The following MRO variants were observed in gnomAD, a reference collection of about 807,000 sequenced individuals.
MRO encodes the protein protein maestro.
Under a neutral mutation model 31.0 loss-of-function variants are expected in MRO, and 28 were observed. The ratio of observed to expected loss-of-function variants is 0.90; its 90% CI spans 0.67 to 1.24. The LOEUF is 1.24. MRO is among the 50% of genes most tolerant of loss of function. The pLI, the probability that MRO is intolerant of heterozygous loss-of-function variation, is 0.00. For synonymous variants in MRO, 108 were observed against 108.4 expected (o/e 1.00, Z 0.02); for missense variants, 332 against 289.2 (o/e 1.15, Z -1.07).
In MRO at chr18:50,816,584, C is replaced by G. The variant is rs145828133; in HGVS notation, c.-5+2997G>C. ...GCTAACGTTAGCTGTAAAGAAACACCAGCTGACTTGCAGTTTAAGGGAATT... is the reference window on the plus strand; with the variant it reads ...GCTAACGTTAGCTGTAAAGAAACACGAGCTGACTTGCAGTTTAAGGGAATT... On this transcript the variant is annotated intron_variant, in intron 2 of 7. Coordinates refer to ENST00000398439, the MANE Select transcript of MRO (RefSeq NM_031939.6). Among the ~76,000 whole-genome samples the G allele has an allele frequency of 6.6e-5, 10 of 152,194 alleles. No homozygotes were observed. The East Asian group carries it at 1.9e-3, about 29-fold the overall frequency.
chr18:50,800,899 G>A (rs1471494069), intron 6 of MRO, among the ~76,000 whole-genome samples: 4 of 140,176 alleles, frequency 2.9e-5, no homozygotes, highest in Admixed American at 7.2e-5. Context: ...AAAAAAAAAA[G>A]AAAGAAAGAA....
upstream of MRO, among the ~76,000 whole-genome samples, chr18:50,820,402 C>T (rs1253541975): frequency 6.6e-6 from 1 of 152,208 alleles, no homozygotes; most frequent in East Asian, 1.9e-4. Flanking sequence ...GCCTCTCTCT[C>T]TCATCAGCCC....
chr18:50,816,842 G>A (rs1599041115), intron 2 of MRO, among the ~76,000 whole-genome samples: 1 of 152,104 alleles, frequency 6.6e-6, no homozygotes, highest in East Asian at 1.9e-4. Context: ...GGAGGGTGTG[G>A]GCCTCATTAT....
At chr18:50,820,931 A>C (rs1915279466), upstream of MRO, among the ~76,000 whole-genome samples, 1 of 152,234 alleles carries the variant, frequency 6.6e-6, no homozygotes, top group Non-Finnish European at 1.5e-5. Flanking sequence ...GAAAATAAGA[A>C]GAATGAGGCT....
upstream of MRO, among the ~76,000 whole-genome samples, chr18:50,824,460 T>TTTC (rs1491286632): frequency 6.0e-5 from 8 of 132,932 alleles, no homozygotes; most frequent in South Asian, 2.5e-4. Context: ...TTTTTCTTTC[T>TTTC]TTTTTTTTTT....
At chr18:50,815,513 G>A in intron 2 of MRO, 1 of 307,658 alleles carries the variant, frequency 3.3e-6, no homozygotes. Context: ...TGGAAACCAA[G>A]GTAGTGGATA....
chr18:50,799,491 C>G, intron 7 of MRO, 101 bp from the exon 8 acceptor site: 2 of 992,890 alleles, frequency 2.0e-6, no homozygotes, highest in Non-Finnish European at 3.2e-6. Context: ...TGTGGATAAG[C>G]AGGAGAGGTG....
At chr18:50,810,929 G>C (rs1914422984) in intron 2 of MRO, among the ~76,000 whole-genome samples, 1 of 152,136 alleles carries the variant, frequency 6.6e-6, no homozygotes, top group African/African-American at 2.4e-5. Context: ...ACATGTGAGG[G>C]GCATAAAGTT....
At chr18:50,819,460 C>G (rs1024240329) in intron 2 of MRO, 121 bp downstream of exon 2, 15 of 1,457,696 alleles carry the variant, frequency 1.0e-5, no homozygotes, top group Non-Finnish European at 1.4e-5. Context: ...AATCCTACCC[C>G]CTAGAGGTCG....
intron 6 of MRO, among the ~76,000 whole-genome samples, chr18:50,801,132 G>A (rs947551396): frequency 5.3e-5 from 8 of 152,168 alleles, no homozygotes; most frequent in African/African-American, 1.9e-4. Flanking sequence ...ATTGACAGGT[G>A]CTGGGCTTGG....
chr18:50,812,805 G>T (rs1408978159), intron 2 of MRO, among the ~76,000 whole-genome samples: 5 of 152,036 alleles, frequency 3.3e-5, no homozygotes, highest in Non-Finnish European at 5.9e-5. Context: ...CTTAACCCTG[G>T]CTACATTAGG....
At chr18:50,821,592 C>A (rs1346533360), upstream of MRO, among the ~76,000 whole-genome samples, 6 of 152,194 alleles carry the variant, frequency 3.9e-5, no homozygotes, top group Non-Finnish European at 5.9e-5. Flanking sequence ...AGATTCTCTG[C>A]AAAATCTCCT....
intron 5 of MRO, among the ~76,000 whole-genome samples, chr18:50,803,264 C>T (rs1913576396): frequency 1.3e-5 from 2 of 152,134 alleles, no homozygotes; most frequent in South Asian, 4.1e-4. Context: ...AATCCCAGCC[C>T]TTTGGGAGGC....
At chr18:50,806,450 A>G (rs535749166) in intron 4 of MRO, among the ~76,000 whole-genome samples, 4 of 152,360 alleles carry the variant, frequency 2.6e-5, no homozygotes, top group Non-Finnish European at 5.9e-5. Flanking sequence ...GAAGGAATGC[A>G]GTCTGGCAGA....
Position 50,820,004 on chromosome 18 carries a change from A to G in MRO, c.-234T>C. ...TCGACACTTTCTGCAGAAATTCTGC[A>G]GATGGCAATTCTGGGGACCTTTCCT... On this transcript the variant is annotated 5_prime_UTR_variant, in exon 1 of 8. Transcript: ENST00000398439. 6.6e-7 allele frequency: 1 copy of G among 1,525,124 alleles called. No homozygotes were observed. The highest frequency in any genetic ancestry group is 8.9e-7 in the Non-Finnish European group (1 of 1,123,684). 94.5% of individuals were successfully genotyped at this position (1,525,124 alleles called of 1,614,324 possible).
intron 4 of MRO, 137 bp from the exon 5 acceptor site, chr18:50,805,473 C>G (rs1913834183): frequency 1.5e-6 from 1 of 669,140 alleles, no homozygotes; most frequent in African/African-American, 1.8e-5. Flanking sequence ...CTGCACAACT[C>G]TCATTAAAAT....
At chr18:50,819,056 A>T (rs1915159020) in intron 2 of MRO, among the ~76,000 whole-genome samples, 1 of 151,364 alleles carries the variant, frequency 6.6e-6, no homozygotes, top group South Asian at 2.1e-4. Flanking sequence ...CTGTCTCAAA[A>T]AAATGAAAAA....
upstream of MRO, among the ~76,000 whole-genome samples, chr18:50,823,417 C>T (rs559452399): frequency 6.6e-6 from 1 of 152,342 alleles, no homozygotes; most frequent in Non-Finnish European, 1.5e-5. Flanking sequence ...TGCAGTTCTC[C>T]AAACTCTATA....
intron 5 of MRO, among the ~76,000 whole-genome samples, chr18:50,802,898 T>TGTG (rs1555667854): frequency 7.4e-6 from 1 of 134,724 alleles, no homozygotes; most frequent in Non-Finnish European, 1.6e-5. Flanking sequence ...TAGTGAGTGT[T>TGTG]TGTGTATGTG....
Sources: gnomAD v4.1 joint callset for allele counts (sites outside exome capture counted in the v4.1 genomes callset) on GRCh38, gnomAD v4.1.1 for gene constraint, MANE v1.5 for transcripts, NCBI Gene and HGNC (gene_info 2026-07-23, HGNC 2026-07-21) for gene names.